The following CSMD1 variants were observed in gnomAD, a reference collection of about 807,000 sequenced individuals.
CSMD1 encodes the protein CUB and Sushi multiple domains 1.
Under a neutral mutation model 417.5 loss-of-function variants are expected in CSMD1, and 213 were observed. The ratio of observed to expected loss-of-function variants is 0.51; its 90% CI spans 0.46 to 0.57. CSMD1 has a LOEUF of 0.57. Ranked by LOEUF, CSMD1 falls within the 20% of genes least tolerant of loss-of-function variation. The pLI, the probability that CSMD1 is intolerant of heterozygous loss-of-function variation, is 0.00. For missense variants in CSMD1, 6,923 were observed against 4,529.7 expected (o/e 1.53, Z -15.17); for synonymous variants, 2,862 against 1,736.8 (o/e 1.65, Z -16.11).
At chr8:4,904,603 T>C (rs575869873) in intron 1 of CSMD1, among the ~76,000 whole-genome samples, 7 of 152,178 alleles carry the variant, frequency 4.6e-5, no homozygotes, top group Non-Finnish European at 7.4e-5. Flanking sequence ...TAAGCACATA[T>C]ATGAGTGAGC....
intron 2 of CSMD1, among the ~76,000 whole-genome samples, chr8:4,602,523 T>C (rs972259656): frequency 6.6e-6 from 1 of 152,126 alleles, no homozygotes; most frequent in South Asian, 2.1e-4. Flanking sequence ...ACCGTAAATA[T>C]ATTAGGAACA....
chr8:4,401,300 A>C (rs988079650), intron 3 of CSMD1, among the ~76,000 whole-genome samples: 3 of 152,174 alleles, frequency 2.0e-5, no homozygotes, highest in African/African-American at 7.2e-5. Flanking sequence ...GTGCTTTTAT[A>C]ATATTTCTAC....
At chr8:3,176,090 A>G (rs1481106838) in intron 37 of CSMD1, among the ~76,000 whole-genome samples, 1 of 152,208 alleles carries the variant, frequency 6.6e-6, no homozygotes, top group African/African-American at 2.4e-5. Context: ...CTAAATTAGA[A>G]ATAACTTGGA....
chr8:4,100,268 A>G (rs2130875884), intron 3 of CSMD1, among the ~76,000 whole-genome samples: 1 of 152,306 alleles, frequency 6.6e-6, no homozygotes, highest in South Asian at 2.1e-4. Context: ...TAATTGTCAT[A>G]GTATTCATCC....
intron 46 of CSMD1, among the ~76,000 whole-genome samples, chr8:3,098,861 G>A (rs1055020251): frequency 6.6e-6 from 1 of 151,854 alleles, no homozygotes; most frequent in African/African-American, 2.4e-5. Flanking sequence ...CTCCCCCTCA[G>A]GGTTTTAATT....
chr8:3,412,546 T>A (rs899885678), intron 12 of CSMD1, among the ~76,000 whole-genome samples: 1 of 152,158 alleles, frequency 6.6e-6, no homozygotes, highest in Admixed American at 6.5e-5. Flanking sequence ...AGCATGAAGA[T>A]GTTGAATACA....
At chr8:4,604,100 T>C (rs1200217682) in intron 2 of CSMD1, among the ~76,000 whole-genome samples, 4 of 152,038 alleles carry the variant, frequency 2.6e-5, no homozygotes, top group African/African-American at 9.7e-5. Context: ...AGATAAACAA[T>C]TTTTTATTCT....
At position 3,223,802 on chromosome 8, in the gene CSMD1, A is replaced by C; in HGVS notation, c.4411T>G (p.Tyr1471Asp). 1 of 1,613,932 alleles carries C rather than the reference A, an allele frequency of 6.2e-7. No individual in the cohort carries two copies. Among genetic ancestry groups the C allele is most frequent in the Non-Finnish European group, 8.5e-7 (1 of 1,179,852 alleles). ...VILSPNYPQP[Y>D]PPGKECDWRV... ...CAGTCACATTCCTTCCCAGGAGGAT[A>C]CGGCTGTGGGTAGTTGGGTGACAAA... Residue 1471 changes from tyrosine (Y) to aspartate (D), a missense_variant, in exon 28 of 70, where the codon TAT becomes GAT. By Grantham distance (160) the Tyr-to-Asp change is radical. Coordinates refer to ENST00000635120, the MANE Select transcript of CSMD1 (RefSeq NM_033225.6).
chr8:3,717,121 G>C (rs958502123), intron 6 of CSMD1, among the ~76,000 whole-genome samples: 3 of 152,044 alleles, frequency 2.0e-5, no homozygotes, highest in East Asian at 1.9e-4. Flanking sequence ...AGAAATTATA[G>C]CCCTGACTTT....
intron 21 of CSMD1, among the ~76,000 whole-genome samples, chr8:3,349,675 C>G (rs1241544675): frequency 6.7e-6 from 1 of 148,648 alleles, no homozygotes. Context: ...CTGTAAAAAT[C>G]ATTTTAAAAG....
intron 5 of CSMD1, among the ~76,000 whole-genome samples, chr8:3,760,219 G>A (rs1329431705): frequency 6.6e-6 from 1 of 152,174 alleles, no homozygotes; most frequent in African/African-American, 2.4e-5. Flanking sequence ...CATTCAGTGG[G>A]AATGTTGGAC....
chr8:4,837,595 G>A (rs549758736), intron 1 of CSMD1, among the ~76,000 whole-genome samples: 13 of 152,106 alleles, frequency 8.5e-5, no homozygotes, highest in Non-Finnish European at 1.3e-4. Flanking sequence ...ATACAAGGAT[G>A]GTTACCAGAG....
At chr8:4,003,250 G>T (rs958597327) in intron 4 of CSMD1, among the ~76,000 whole-genome samples, 2 of 151,988 alleles carry the variant, frequency 1.3e-5, no homozygotes, top group African/African-American at 4.8e-5. Flanking sequence ...AAAAGTAGCT[G>T]GGTGTGGTGA....
At chr8:4,749,252 A>C (rs1161527760) in intron 1 of CSMD1, among the ~76,000 whole-genome samples, 1 of 152,256 alleles carries the variant, frequency 6.6e-6, no homozygotes, top group Non-Finnish European at 1.5e-5. Context: ...CTTTAGAGAG[A>C]ATATGCTCAT....
At chr8:4,746,847 T>C (rs1307034488) in intron 1 of CSMD1, among the ~76,000 whole-genome samples, 1 of 152,226 alleles carries the variant, frequency 6.6e-6, no homozygotes, top group Non-Finnish European at 1.5e-5. Flanking sequence ...ACCTGGCATG[T>C]GACATACTCT....
intron 26 of CSMD1, among the ~76,000 whole-genome samples, chr8:3,274,058 G>A (rs1802080149): frequency 6.6e-6 from 1 of 150,904 alleles, no homozygotes; most frequent in African/African-American, 2.4e-5. Context: ...TTCTCTTGTG[G>A]GCATTTAGTG....
At chr8:3,868,774 C>T (rs376147729) in intron 5 of CSMD1, among the ~76,000 whole-genome samples, 33 of 152,264 alleles carry the variant, frequency 2.2e-4, no homozygotes, top group East Asian at 3.9e-4. Flanking sequence ...AATTTCTGTT[C>T]GCTATACCTT....
intron 7 of CSMD1, among the ~76,000 whole-genome samples, chr8:3,692,566 C>A (rs972469722): frequency 1.3e-5 from 2 of 152,058 alleles, no homozygotes; most frequent in Non-Finnish European, 2.9e-5. Flanking sequence ...TCCCGAGCAT[C>A]TGGGATAACA....
At chr8:4,741,996 C>G (rs1189809252) in intron 1 of CSMD1, among the ~76,000 whole-genome samples, 1 of 127,672 alleles carries the variant, frequency 7.8e-6, no homozygotes, top group African/African-American at 3.0e-5. Flanking sequence ...CACCACCACA[C>G]CCACTTTTTT....
Sources: gnomAD v4.1 joint callset for allele counts (sites outside exome capture counted in the v4.1 genomes callset) on GRCh38, gnomAD v4.1.1 for gene constraint, MANE v1.5 for transcripts, NCBI Gene and HGNC (gene_info 2026-07-23, HGNC 2026-07-21) for gene names.